Variants in RALGPS1 observed in about 807,000 individuals in gnomAD.
RALGPS1 encodes the protein Ral GEF with PH domain and SH3 binding motif 1, also known as ras-specific guanine nucleotide-releasing factor RalGPS1.
In RALGPS1, 19 loss-of-function variants were observed where a neutral mutation model predicts 78.8. The observed-to-expected ratio is 0.24, with a 90% confidence interval of 0.17 to 0.35. RALGPS1 has a LOEUF of 0.35. Ranked by LOEUF, RALGPS1 falls within the 10% of genes least tolerant of loss-of-function variation. The pLI, the probability that RALGPS1 is intolerant of heterozygous loss-of-function variation, is 1.00. For missense variants in RALGPS1, 454 were observed against 688.3 expected (o/e 0.66, Z 3.81); for synonymous variants, 228 against 256.3 (o/e 0.89, Z 1.06).
At chr9:127,199,152 C>A in intron 14 of RALGPS1, 86 bp downstream of exon 14, 2 of 1,216,860 alleles carry the variant, frequency 1.6e-6, no homozygotes, top group South Asian at 1.2e-5. Context: ...CAGGGACGGG[C>A]CCTGCCCCAC....
chr9:127,193,173 A>G (rs571143503), intron 11 of RALGPS1, among the ~76,000 whole-genome samples: 1 of 152,256 alleles, frequency 6.6e-6, no homozygotes, highest in Admixed American at 6.5e-5. Flanking sequence ...AGGACCTGAG[A>G]GAAGAGAAGG....
chr9:127,162,760 G>A (rs889505164), intron 8 of RALGPS1, among the ~76,000 whole-genome samples: 2 of 152,178 alleles, frequency 1.3e-5, no homozygotes, highest in African/African-American at 2.4e-5. Flanking sequence ...GAACCCAAGA[G>A]GAGGCCCAGT....
chr9:127,057,417 T>C (rs1589246201), intron 7 of RALGPS1, among the ~76,000 whole-genome samples: 1 of 152,296 alleles, frequency 6.6e-6, no homozygotes, highest in East Asian at 1.9e-4. Context: ...TCCAGAGAAT[T>C]GGCCATTAAG....
chr9:127,212,454 C>T lies in RALGPS1; in HGVS notation c.1354-173C>T, dbSNP rs910631393. Among the ~76,000 whole-genome samples, 7 of 152,280 alleles carry T rather than the reference C, an allele frequency of 4.6e-5. No individual in the cohort carries two copies. In the East Asian group the frequency reaches 1.2e-3, roughly 25 times the overall value. Reference sequence around the variant, plus strand: ...AAGGAGCAAGAGACGGGAGGGAAGACGCCTCCTGTCTTGGTCCTAGGTGGA... The same window carrying T: ...AAGGAGCAAGAGACGGGAGGGAAGATGCCTCCTGTCTTGGTCCTAGGTGGA... On this transcript the variant is annotated intron_variant, in intron 15 of 18. Transcript: ENST00000259351. The surrounding 1 kb of genome is among the most constrained non-coding windows in gnomAD (Gnocchi z 6.0).
intron 1 of RALGPS1, among the ~76,000 whole-genome samples, chr9:126,928,438 A>T (rs2035498464): frequency 6.6e-6 from 1 of 152,192 alleles, no homozygotes; most frequent in Non-Finnish European, 1.5e-5. Context: ...AAGGGAACAG[A>T]TAGAAAGTAG....
At chr9:127,151,699 G>T (rs2058432747) in intron 8 of RALGPS1, among the ~76,000 whole-genome samples, 1 of 152,110 alleles carries the variant, frequency 6.6e-6, no homozygotes, top group Admixed American at 6.6e-5. Flanking sequence ...TGTTTAGCCA[G>T]AATGGGTCTA....
intron 3 of RALGPS1, among the ~76,000 whole-genome samples, chr9:126,970,043 C>G (rs1402511682): frequency 6.6e-6 from 1 of 152,102 alleles, no homozygotes; most frequent in Non-Finnish European, 1.5e-5. Flanking sequence ...AAAACCCAGA[C>G]ATGAAAACCC....
chr9:127,120,457 T>C (rs949939593), intron 8 of RALGPS1, among the ~76,000 whole-genome samples: 9 of 152,202 alleles, frequency 5.9e-5, no homozygotes, highest in African/African-American at 1.9e-4. Flanking sequence ...GCAGTGATAG[T>C]AGCCACAGTA....
intron 12 of RALGPS1, 59 bp from the exon 13 acceptor site, chr9:127,196,415 A>C: frequency 3.3e-5 from 51 of 1,550,188 alleles, no homozygotes; most frequent in Non-Finnish European, 4.1e-5. Flanking sequence ...AGGCAGGTGT[A>C]ACCACTGTCA....
chr9:127,177,111 A>G (rs1283344710), intron 11 of RALGPS1, among the ~76,000 whole-genome samples: 5 of 151,496 alleles, frequency 3.3e-5, no homozygotes, highest in African/African-American at 4.9e-5. Context: ...TTGGATCTTT[A>G]GCACCTGGCA....
At chr9:127,174,360 A>G (rs2059736663) in intron 10 of RALGPS1, among the ~76,000 whole-genome samples, 1 of 152,198 alleles carries the variant, frequency 6.6e-6, no homozygotes, top group African/African-American at 2.4e-5. Context: ...TCAGGGTCAC[A>G]CATTCCTGGG....
intron 10 of RALGPS1, among the ~76,000 whole-genome samples, chr9:127,169,708 A>AT (rs2059467515): frequency 6.6e-6 from 1 of 152,328 alleles, no homozygotes; most frequent in African/African-American, 2.4e-5. Flanking sequence ...AGCAACGCAC[A>AT]TTCAGTAGAA....
intron 8 of RALGPS1, among the ~76,000 whole-genome samples, chr9:127,152,936 T>C (rs1402573655): frequency 6.6e-6 from 1 of 152,242 alleles, no homozygotes; most frequent in Non-Finnish European, 1.5e-5. Context: ...TTACAGGTAC[T>C]ATCTCTATCT....
At chr9:127,001,167 C>T (rs1406437311) in intron 4 of RALGPS1, among the ~76,000 whole-genome samples, 3 of 151,442 alleles carry the variant, frequency 2.0e-5, no homozygotes, top group East Asian at 1.9e-4. Flanking sequence ...GCATGCCTGT[C>T]GTCCCAGCTA....
intron 8 of RALGPS1, among the ~76,000 whole-genome samples, chr9:127,100,888 C>T (rs531189441): frequency 2.6e-5 from 4 of 152,302 alleles, no homozygotes; most frequent in African/African-American, 9.6e-5. Flanking sequence ...CAAATGCTCA[C>T]GAACCCTTTG....
chr9:127,038,396 G>C (rs1240678298), intron 5 of RALGPS1, among the ~76,000 whole-genome samples: 1 of 152,148 alleles, frequency 6.6e-6, no homozygotes, highest in East Asian at 1.9e-4. Flanking sequence ...CTCTGCTTAA[G>C]GGGCCTTCTG....
chr9:126,995,815 A>C (rs2042694131), intron 4 of RALGPS1, among the ~76,000 whole-genome samples: 1 of 152,208 alleles, frequency 6.6e-6, no homozygotes, highest in Admixed American at 6.5e-5. Flanking sequence ...AAAGAACAGA[A>C]ATTATAACAA....
intron 18 of RALGPS1, 29 bp downstream of exon 18, chr9:127,214,871 C>T: frequency 2.5e-6 from 4 of 1,613,010 alleles, no homozygotes; most frequent in Non-Finnish European, 3.4e-6. Flanking sequence ...TGCTTGTCAC[C>T]TGAAATATCC....
At chr9:127,155,911 T>A (rs1335424691) in intron 8 of RALGPS1, among the ~76,000 whole-genome samples, 2 of 147,748 alleles carry the variant, frequency 1.4e-5, no homozygotes, top group Admixed American at 6.8e-5. Flanking sequence ...TTTTTTTTTT[T>A]ACTTCTAAAA....
Sources: allele counts gnomAD v4.1 joint callset (sites outside exome capture counted in the v4.1 genomes callset), GRCh38; gene constraint gnomAD v4.1.1; non-coding constraint Gnocchi (gnomAD v3.1); transcripts MANE v1.5; gene names NCBI Gene and HGNC (gene_info 2026-07-23, HGNC 2026-07-21).